The following MPP4 variants were observed in gnomAD, a reference collection of about 807,000 sequenced individuals.
MPP4 encodes MAGUK p55 scaffold protein 4, also known as MAGUK p55 subfamily member 4.
A neutral mutation model predicts 98.3 loss-of-function variants in MPP4; 91 were observed. The observed-to-expected ratio is 0.93, with a 90% confidence interval of 0.78 to 1.10. MPP4 has a LOEUF of 1.10. Among genes scored for constraint, MPP4 ranks in the 50% least tolerant of loss-of-function variants. The probability of loss-of-function intolerance (pLI) is 0.00; values close to 1 mark genes in which losing one functional copy is unlikely to be tolerated. For synonymous variants in MPP4, 261 were observed against 271.8 expected (o/e 0.96, Z 0.39); for missense variants, 744 against 792.9 (o/e 0.94, Z 0.74).
intron 5 of MPP4, 105 bp from the exon 6 acceptor site, chr2:201,686,155 C>A: frequency 7.4e-7 from 1 of 1,346,642 alleles, no homozygotes; most frequent in Non-Finnish European, 1.0e-6. Flanking sequence ...ACAACAAACA[C>A]CAATACAGAC....
intron 1 of MPP4, chr2:201,698,064 A>C: frequency 1.0e-5 from 10 of 987,966 alleles, no homozygotes; most frequent in Non-Finnish European, 1.2e-5. Flanking sequence ...GACTGAGTAC[A>C]CAGAAAGGAT....
At position 201,693,973 on chromosome 2, in the gene MPP4, T is replaced by C; in HGVS notation, c.-19A>G. The C allele has an allele frequency of 6.2e-7, 1 of 1,613,940 alleles. No homozygotes were observed. Among genetic ancestry groups the C allele is most frequent in the East Asian group, 2.2e-5 (1 of 44,888 alleles). On this transcript the variant is annotated 5_prime_UTR_variant, in exon 2 of 22. Coordinates refer to ENST00000409474, the MANE Select transcript of MPP4 (RefSeq NM_033066.3). ...GTATCATCCTCCCTGCCGGAGCTTC[T>C]GAAAGGAATTCAGGACTAGGAAGCG...
At chr2:201,681,176 CA>C in intron 9 of MPP4, 142 bp from the exon 10 acceptor site, 1 of 866,134 alleles carries the variant, frequency 1.2e-6, no homozygotes. Flanking sequence ...CCACCCTCAC[CA>C]AAAAGGAGAA....
chr2:201,660,220 C>T, intron 15 of MPP4, 112 bp downstream of exon 15: 1 of 1,074,628 alleles, frequency 9.3e-7, no homozygotes, highest in Non-Finnish European at 1.4e-6. Flanking sequence ...TAAACAACAA[C>T]AAATTCCGTA....
intron 4 of MPP4, among the ~76,000 whole-genome samples, chr2:201,689,994 GA>G (rs1688960693): frequency 6.6e-6 from 1 of 152,202 alleles, no homozygotes; most frequent in South Asian, 2.1e-4. Flanking sequence ...CGCTAAAAAT[GA>G]CGTGGGTGGT....
rs576456004 is a variant in MPP4 at position 201,691,434 on chromosome 2, C to T, written c.202-1155G>A. 8.5e-5 allele frequency among the ~76,000 whole-genome samples: 13 copies of T among 152,048 alleles called. No individual in the cohort carries two copies. In the South Asian group the frequency reaches 1.0e-3, roughly 12 times the overall value. On this transcript the variant is annotated intron_variant, in intron 3 of 21. Transcript: ENST00000409474. ...AGTGGCATCTACTAGATAGTAGATG[C>T]TATTTTTCTACTATCTATTAGACGC...
chr2:201,674,754 A>C (rs894254679), intron 11 of MPP4, among the ~76,000 whole-genome samples: 1 of 152,228 alleles, frequency 6.6e-6, no homozygotes. Context: ...AATTCTGCTA[A>C]GGTGTAGACT....
intron 13 of MPP4, chr2:201,665,463 A>G (rs184095587): frequency 1.3e-5 from 2 of 152,300 alleles, no homozygotes; most frequent in East Asian, 3.9e-4. Flanking sequence ...TGAGTAGGAG[A>G]ACATGGAAAG....
intron 21 of MPP4, among the ~76,000 whole-genome samples, 191 bp downstream of exon 21, chr2:201,647,500 A>G (rs1037736283): frequency 6.6e-6 from 1 of 152,242 alleles, no homozygotes; most frequent in South Asian, 2.1e-4. Flanking sequence ...CAGATCCTGT[A>G]GAAACAATAC....
At chr2:201,672,525 G>A (rs1304989355) in intron 11 of MPP4, among the ~76,000 whole-genome samples, 1 of 152,010 alleles carries the variant, frequency 6.6e-6, no homozygotes, top group Non-Finnish European at 1.5e-5. Context: ...GAAGAAAAGA[G>A]AGAAGAATCA....
chr2:201,675,510 A>C (rs972569751), intron 10 of MPP4, among the ~76,000 whole-genome samples: 5 of 152,254 alleles, frequency 3.3e-5, no homozygotes, highest in African/African-American at 1.2e-4. Flanking sequence ...AAAGACTTAC[A>C]GTGACAATCT....
chr2:201,658,802 G>T (rs529840520), intron 15 of MPP4, among the ~76,000 whole-genome samples: 1 of 152,240 alleles, frequency 6.6e-6, no homozygotes, highest in African/African-American at 2.4e-5. Context: ...TTTAAGATAA[G>T]TTTCCTTAGG....
At chr2:201,661,472 G>C (rs1156424314) in intron 14 of MPP4, 1 of 456,580 alleles carries the variant, frequency 2.2e-6, no homozygotes, top group Non-Finnish European at 4.4e-6. Context: ...AGAGAGCTGG[G>C]TTCAGAACGT....
chr2:201,649,272 A>G (rs1241593655), intron 20 of MPP4, among the ~76,000 whole-genome samples: 3 of 152,156 alleles, frequency 2.0e-5, no homozygotes, highest in Non-Finnish European at 1.5e-5. Context: ...GCAACATCTT[A>G]TTCACTCCAC....
intron 14 of MPP4, chr2:201,662,017 T>A (rs1688042017): frequency 2.7e-6 from 1 of 364,050 alleles, no homozygotes; most frequent in African/African-American, 2.2e-5. Flanking sequence ...AAATAGGAAA[T>A]TTTGAAACAA....
intron 1 of MPP4, among the ~76,000 whole-genome samples, 166 bp from the exon 2 acceptor site, chr2:201,694,220 C>T (rs765468619): frequency 6.6e-5 from 10 of 152,204 alleles, no homozygotes; most frequent in Non-Finnish European, 1.2e-4. Context: ...CCCCTAACTC[C>T]ATGTTTTAAA....
chr2:201,662,330 G>A (rs1466596687), intron 14 of MPP4, among the ~76,000 whole-genome samples: 10 of 149,808 alleles, frequency 6.7e-5, no homozygotes, highest in African/African-American at 1.7e-4. Flanking sequence ...ATGGAAACCC[G>A]TCTCTACTAA....
Position 201,649,890 on chromosome 2 carries a change from C to T in MPP4, c.1475+182G>A, listed in dbSNP as rs567553800. Among the ~76,000 whole-genome samples the T allele has an allele frequency of 1.1e-4, 17 of 152,332 alleles. No homozygotes were observed. In the East Asian group the frequency reaches 2.7e-3, roughly 24 times the overall value. ...CAAGTTCTCCAAGGTTTGCAGACTC[C>T]ATTCTGCTCCCTTTCTAAACCCAGT... is the stretch of plus-strand genomic sequence containing the variant. On this transcript the variant is annotated intron_variant, in intron 19 of 21. Transcript: ENST00000409474.
chr2:201,692,250 A>G (rs1689051997), intron 3 of MPP4, among the ~76,000 whole-genome samples: 1 of 152,200 alleles, frequency 6.6e-6, no homozygotes. Context: ...GATGATATTA[A>G]AAGGTAAGGC....
Sources: allele counts gnomAD v4.1 joint callset (sites outside exome capture counted in the v4.1 genomes callset), GRCh38; gene constraint gnomAD v4.1.1; transcripts MANE v1.5; gene names NCBI Gene and HGNC (gene_info 2026-07-23, HGNC 2026-07-21).